NOS2: variants seen among roughly 807,000 people sequenced by gnomAD.
NOS2 encodes the protein nitric oxide synthase 2.
NOS2 carries 96 observed loss-of-function variants against 136.0 expected under a neutral mutation model. The ratio of observed to expected loss-of-function variants is 0.71; its 90% confidence interval spans 0.60 to 0.84. The LOEUF (loss-of-function observed/expected upper bound fraction) is 0.84, where lower values mean the gene tolerates loss of function less well. NOS2 is among the 40% of genes least tolerant of loss of function. NOS2 has a pLI of 0.00. For missense variants in NOS2, 1,237 were observed against 1,496.9 expected, an observed-to-expected ratio of 0.83 and a Z score of 2.87; for synonymous variants, 539 against 587.5, an observed-to-expected ratio of 0.92 and a Z score of 1.20.
chr17:27,798,672 G>A, intron 2 of NOS2, 28 bp downstream of exon 2: 1 of 1,423,074 alleles, frequency 7.0e-7, no homozygotes, highest in Non-Finnish European at 9.9e-7. Context: ...AAGGAGACAA[G>A]CAGGAGGTTC....
rs199832362 is a variant in NOS2, at chr17:27,782,093, C to A, written c.644G>T (p.Arg215Leu). Residue 215 changes from arginine (R) to leucine (L), a missense_variant, in exon 7 of 27, where the codon CGC becomes CTC. Arg to Leu is a moderately radical substitution (Grantham distance 102, BLOSUM62 -2). Around this residue, in one of 3 missense-constraint regions of NOS2, gnomAD observed 440 missense variants for 545.4 expected, o/e 0.81. Coordinates refer to ENST00000313735, the MANE Select transcript of NOS2 (RefSeq NM_000625.4). ...CATTTCCCGGGCAGTGGAACAGCTGCGGGCATCGAAGACCTGCAACAGCCC... is the reference window on the plus strand; with the variant it reads ...CATTTCCCGGGCAGTGGAACAGCTGAGGGCATCGAAGACCTGCAACAGCCC... ...QWSNLQVFDA[R>L]SCSTAREMFE... The A allele has an allele frequency of 6.2e-7, 1 of 1,613,976 alleles. No individual in the cohort carries two copies. Among genetic ancestry groups the A allele is most frequent in the East Asian group, 2.2e-5 (1 of 44,882 alleles).
chr17:27,773,699 T>TA (rs1908571751), intron 12 of NOS2, among the ~76,000 whole-genome samples: 1 of 152,162 alleles, frequency 6.6e-6, no homozygotes, highest in African/African-American at 2.4e-5. Context: ...AGGAAGCTCT[T>TA]AAAATCCAAC....
chr17:27,789,050 CCCT>C, intron 3 of NOS2, 119 bp from the exon 4 acceptor site: 1 of 1,354,550 alleles, frequency 7.4e-7, no homozygotes, highest in Non-Finnish European at 1.0e-6. Flanking sequence ...CCCTCCACGT[CCCT>C]CCTCTGTTTC....
intron 26 of NOS2, among the ~76,000 whole-genome samples, chr17:27,758,388 C>T (rs774336293): frequency 1.1e-4 from 17 of 152,194 alleles, no homozygotes; most frequent in Non-Finnish European, 1.3e-4. Flanking sequence ...GAATCCTTGG[C>T]AAGCAGTATG....
intron 2 of NOS2, among the ~76,000 whole-genome samples, chr17:27,796,088 G>A (rs193022687): frequency 6.5e-4 from 99 of 152,248 alleles, no homozygotes; most frequent in Non-Finnish European, 1.1e-3. Flanking sequence ...CCCAGAGTTC[G>A]AGGGCAGCCT....
chr17:27,797,870 TC>T (rs1909403381), intron 2 of NOS2, among the ~76,000 whole-genome samples: 1 of 152,156 alleles, frequency 6.6e-6, no homozygotes, highest in Non-Finnish European at 1.5e-5. Flanking sequence ...CTCTGTAAAC[TC>T]TGTAATTACC....
chr17:27,791,170 A>G (rs1280097139), intron 2 of NOS2, among the ~76,000 whole-genome samples: 1 of 152,266 alleles, frequency 6.6e-6, no homozygotes, highest in East Asian at 1.9e-4. Context: ...GGATGTAAGT[A>G]TGTATCAGAA....
chr17:27,762,991 G>C lies in NOS2; in HGVS notation c.2607C>G (p.Ser869Arg). 2 of 1,601,096 alleles carry C rather than the reference G, an allele frequency of 1.2e-6. No homozygotes were observed. Among genetic ancestry groups the C allele is most frequent in the Non-Finnish European group, 1.7e-6 (2 of 1,174,284 alleles). Residue 869 changes from serine to arginine, a missense_variant, in exon 22 of 27, where the codon AGC becomes AGG. Coordinates refer to ENST00000313735, the MANE Select transcript of NOS2 (RefSeq NM_000625.4). Reference sequence around the variant, plus strand: ...TGGGGCTGTTGGTGAACTTCCACTTGCTGTACTCTGAGGGCTAAAAGCCAA... The same window carrying C: ...TGGGGCTGTTGGTGAACTTCCACTTCCTGTACTCTGAGGGCTAAAAGCCAA... ...LEALCQPSEYSKWKFTNSPTF... is the reference protein window; with the variant it reads ...LEALCQPSEYRKWKFTNSPTF...
intron 12 of NOS2, among the ~76,000 whole-genome samples, chr17:27,773,470 C>T (rs1032149577): frequency 3.9e-5 from 6 of 152,178 alleles, no homozygotes; most frequent in Non-Finnish European, 7.4e-5. Context: ...CGAGGGGGGG[C>T]GGCTAACCCT....
At chr17:27,773,107 G>A in intron 13 of NOS2, 54 bp downstream of exon 13, 1 of 1,355,842 alleles carries the variant, frequency 7.4e-7, no homozygotes, top group Non-Finnish European at 1.1e-6. Flanking sequence ...AGGCTGACTA[G>A]AAGGGAGAGA....
At chr17:27,770,834 T>C (rs1908467200) in intron 15 of NOS2, 79 bp downstream of exon 15, 2 of 1,034,240 alleles carry the variant, frequency 1.9e-6, no homozygotes, top group Non-Finnish European at 3.0e-6. Flanking sequence ...CCGTAGGACC[T>C]GCCGCATCCC....
At chr17:27,757,562 G>T (rs925352358) in intron 26 of NOS2, among the ~76,000 whole-genome samples, 1 of 152,146 alleles carries the variant, frequency 6.6e-6, no homozygotes, top group Non-Finnish European at 1.5e-5. Context: ...GCTTTACTTA[G>T]CATACCCATT....
intron 15 of NOS2, among the ~76,000 whole-genome samples, chr17:27,770,602 T>G (rs1448215755): frequency 1.3e-5 from 2 of 152,230 alleles, no homozygotes; most frequent in African/African-American, 4.8e-5. Context: ...TTAACTTCAT[T>G]TTGTTTTCAT....
intron 11 of NOS2, among the ~76,000 whole-genome samples, chr17:27,774,820 A>G (rs1198332525): frequency 6.6e-6 from 1 of 152,186 alleles, no homozygotes; most frequent in Non-Finnish European, 1.5e-5. Flanking sequence ...GGTAAAGGAA[A>G]TACCATCCCA....
At chr17:27,781,476 T>C (rs1237313583) in intron 7 of NOS2, among the ~76,000 whole-genome samples, 3 of 152,214 alleles carry the variant, frequency 2.0e-5, no homozygotes, top group East Asian at 3.9e-4. Flanking sequence ...GTGCAGGTCA[T>C]AGGCTCACAC....
chr17:27,787,848 G>A (rs1909067659), intron 4 of NOS2, 22 bp from the exon 5 acceptor site: 1 of 1,599,874 alleles, frequency 6.3e-7, no homozygotes, highest in Non-Finnish European at 8.5e-7. Context: ...GAGGCAGGTG[G>A]TGAGGGTGGG....
chr17:27,788,809 C>T lies in NOS2; in HGVS notation c.318G>A (p.Gly106=), dbSNP rs758470056. 2 of 1,613,096 alleles carry T rather than the reference C, an allele frequency of 1.2e-6. No individual in the cohort carries two copies. Among genetic ancestry groups the T allele is most frequent in the Admixed American group, 3.3e-5 (2 of 59,948 alleles). The stretch of plus-strand genomic sequence containing the variant: ...GTTCTCCCTGAAGCCCCAGACTTAC[C>T]CCTTTGGCCTTATGGTGAAGTGTGT... The part of the protein sequence containing the change: ...FQDTLHHKAK[G]ILTCRSKSCL... Residue 106 remains glycine, a splice_region_variant and synonymous_variant, in exon 4 of 27, where the codon GGG becomes GGA. Transcript: ENST00000313735.
chr17:27,787,959 G>A, intron 4 of NOS2, 133 bp from the exon 5 acceptor site: 1 of 883,614 alleles, frequency 1.1e-6, no homozygotes, highest in Non-Finnish European at 1.7e-6. Context: ...CACCCCTGTG[G>A]CACCTCCTCC....
Position 27,762,997 on chromosome 17 carries a change from C to A in NOS2, c.2601G>T (p.Glu867Asp). The change falls in exon 22 of 27, where the codon GAG (glutamate) becomes GAT (aspartate). Residue 867 changes from glutamate (E) to aspartate (D), a missense_variant. Glu to Asp is a conservative substitution (Grantham distance 45). This residue lies in a region of NOS2 where 782 missense variants were observed against 909.9 expected (regional missense o/e 0.86). Transcript: ENST00000313735. ...QRLEALCQPS[E>D]YSKWKFTNSP... Reference sequence around the variant, plus strand: ...TGTTGGTGAACTTCCACTTGCTGTACTCTGAGGGCTAAAAGCCAAGGGTGA... The same window carrying A: ...TGTTGGTGAACTTCCACTTGCTGTAATCTGAGGGCTAAAAGCCAAGGGTGA... 6.3e-7 allele frequency: 1 copy of A among 1,598,334 alleles called. No individual in the cohort carries two copies. Among genetic ancestry groups the A allele is most frequent in the Non-Finnish European group, 8.5e-7 (1 of 1,173,020 alleles).
Sources: allele counts gnomAD v4.1 joint callset (sites outside exome capture counted in the v4.1 genomes callset), GRCh38; gene constraint gnomAD v4.1.1; regional missense constraint gnomAD v4.1.1; transcripts MANE v1.5; gene names NCBI Gene and HGNC (gene_info 2026-07-23, HGNC 2026-07-21).